OGDH: variants seen among roughly 807,000 people sequenced by gnomAD.
OGDH encodes oxoglutarate dehydrogenase, also known as 2-oxoglutarate dehydrogenase complex component E1.
In OGDH, 38 loss-of-function variants were observed where a neutral mutation model predicts 116.6. The ratio of observed to expected loss-of-function variants is 0.33; its 90% confidence interval spans 0.25 to 0.43. The LOEUF (loss-of-function observed/expected upper bound fraction) is 0.43, where lower values mean the gene tolerates loss of function less well. OGDH is among the 20% of genes least tolerant of loss of function. The pLI is 1.00. For synonymous variants in OGDH, 488 were observed against 533.3 expected (o/e 0.92, Z 1.17); for missense variants, 825 against 1,357.2 (o/e 0.61, Z 6.16).
intron 10 of OGDH, among the ~76,000 whole-genome samples, chr7:44,693,085 G>T (rs894737382): frequency 6.6e-6 from 1 of 152,060 alleles, no homozygotes; most frequent in Non-Finnish European, 1.5e-5. Flanking sequence ...GAGGCAGGTG[G>T]ATCACAAGGT....
intron 9 of OGDH, among the ~76,000 whole-genome samples, chr7:44,681,311 A>G (rs1339798168): frequency 6.6e-6 from 1 of 152,188 alleles, no homozygotes; most frequent in Non-Finnish European, 1.5e-5. Context: ...AAGGGTGCAA[A>G]GACAAGAAGG....
chr7:44,655,151 C>T (rs950675281), intron 4 of OGDH, among the ~76,000 whole-genome samples: 5 of 152,208 alleles, frequency 3.3e-5, no homozygotes, highest in East Asian at 3.9e-4. Flanking sequence ...AGGTTCCTTT[C>T]GAGGCCCTCC....
intron 4 of OGDH, among the ~76,000 whole-genome samples, chr7:44,649,433 A>G (rs896418684): frequency 6.6e-6 from 1 of 151,846 alleles, no homozygotes; most frequent in Non-Finnish European, 1.5e-5. Context: ...TATTTTTAGT[A>G]GAAACGGGGT....
At chr7:44,704,384 TTTTAA>T (rs1425377878) in intron 20 of OGDH, among the ~76,000 whole-genome samples, 1 of 152,134 alleles carries the variant, frequency 6.6e-6, no homozygotes, top group Non-Finnish European at 1.5e-5. Flanking sequence ...TCCTTTTTTT[TTTTAA>T]TTTAATTTTT....
chr7:44,702,685 C>T (rs910183201), intron 20 of OGDH, among the ~76,000 whole-genome samples: 6 of 152,146 alleles, frequency 3.9e-5, no homozygotes, highest in East Asian at 3.9e-4. Flanking sequence ...CTCCACCTCC[C>T]GGGTTCACGC....
Position 44,707,929 on chromosome 7 carries a change from C to T in OGDH, c.3002C>T (p.Thr1001Ile). The change falls in exon 23 of 23, where the codon ACC (threonine) becomes ATC (isoleucine). Residue 1001 changes from threonine to isoleucine, a missense_variant. This residue lies in a region of OGDH where 212 missense variants were observed against 284.3 expected (regional missense o/e 0.75). Transcript: ENST00000222673. This position sits in a 1 kb window ranked among gnomAD's most constrained non-coding sequence, Gnocchi z 5.2. ...GCTCCAGCCACCGGCAACAAGAAGA[C>T]CCACCTGACGGAGCTGCAGCGCCTC... ...AAAPATGNKK[T>I]HLTELQRLLD... The T allele has an allele frequency of 6.2e-7, 1 of 1,613,932 alleles. No homozygotes were observed. The highest frequency in any genetic ancestry group is 2.2e-5 in the East Asian group (1 of 44,882).
chr7:44,665,985 C>G (rs922007139), intron 4 of OGDH, among the ~76,000 whole-genome samples: 1 of 152,138 alleles, frequency 6.6e-6, no homozygotes, highest in Non-Finnish European at 1.5e-5. Flanking sequence ...AGTGCTGCAG[C>G]GAATATTAGT....
rs1788508613 is a variant in OGDH at position 44,694,825 on chromosome 7, AG to A, written c.1668+250del. ...GAAGGGGATGTTTTCAGGTTGAGGTAGTAGCAGCCCAGTAGGTTTTCTCAGA... is the reference window on the plus strand; with the variant it reads ...GAAGGGGATGTTTTCAGGTTGAGGTATAGCAGCCCAGTAGGTTTTCTCAGA... On this transcript the variant is annotated intron_variant, in intron 12 of 22. Coordinates refer to ENST00000222673, the MANE Select transcript of OGDH (RefSeq NM_002541.4). The surrounding 1 kb of genome is among the most constrained non-coding windows in gnomAD (Gnocchi z 4.2). 2.0e-5 allele frequency among the ~76,000 whole-genome samples: 3 copies of A among 152,234 alleles called. No individual in the cohort carries two copies. The highest frequency in any genetic ancestry group is 7.2e-5 in the African/African-American group (3 of 41,460).
intron 7 of OGDH, chr7:44,674,805 T>G (rs1207740739): frequency 1.1e-5 from 6 of 555,424 alleles, no homozygotes; most frequent in Non-Finnish European, 1.9e-5. Flanking sequence ...GGCCTTACAG[T>G]GCATCTTTAT....
At chr7:44,615,203 G>A (rs1382370545) in intron 1 of OGDH, among the ~76,000 whole-genome samples, 1 of 152,140 alleles carries the variant, frequency 6.6e-6, no homozygotes, top group Non-Finnish European at 1.5e-5. Context: ...GTTATGTTAT[G>A]GACTCTTGAT....
In OGDH at chr7:44,708,052, C is replaced by A; in HGVS notation, c.*53C>A. 6.3e-7 allele frequency: 1 copy of A among 1,583,588 alleles called. No homozygotes were observed. ...GCCCTCTCCACACCCATGACTGCCC[C>A]TTGCTTCTCAACTAAAGAATAGTGC... is the stretch of plus-strand genomic sequence containing the variant. On this transcript the variant is annotated 3_prime_UTR_variant, in exon 23 of 23. Coordinates refer to ENST00000222673, the MANE Select transcript of OGDH (RefSeq NM_002541.4).
chr7:44,703,094 T>C (rs941355212), intron 20 of OGDH, among the ~76,000 whole-genome samples: 10 of 152,146 alleles, frequency 6.6e-5, no homozygotes, highest in African/African-American at 2.4e-4. Flanking sequence ...ATCCATGTTG[T>C]GTAGCATGTG....
At chr7:44,676,180 A>G (rs1438436754) in intron 9 of OGDH, 31 bp downstream of exon 9, 1 of 1,614,008 alleles carries the variant, frequency 6.2e-7, no homozygotes, top group East Asian at 2.2e-5. Flanking sequence ...TGCAAGGCAG[A>G]TCGTCAAGGC....
At chr7:44,617,252 T>C (rs550066551) in intron 1 of OGDH, among the ~76,000 whole-genome samples, 3 of 152,090 alleles carry the variant, frequency 2.0e-5, no homozygotes, top group African/African-American at 7.2e-5. Context: ...GTCATAGATA[T>C]ACCTTCAAGT....
chr7:44,671,417 T>C (rs1160863634), intron 5 of OGDH, among the ~76,000 whole-genome samples: 2 of 152,072 alleles, frequency 1.3e-5, no homozygotes, highest in African/African-American at 2.4e-5. Context: ...ACTTCCAACA[T>C]TGGGGATCAA....
In OGDH at chr7:44,624,575, G is replaced by T. The variant is rs750771174; in HGVS notation, c.222+10G>T. The T allele has an allele frequency of 2.5e-6, 4 of 1,609,886 alleles. No homozygotes were observed. The highest frequency in any genetic ancestry group is 2.2e-5 in the South Asian group (2 of 90,962). ...CAAAAGTGTACATAAGGTAAGGCTC[G>T]CAGGGCTGTGGGTCTGCCTCATGTT... is the stretch of plus-strand genomic sequence containing the variant. On this transcript the variant is annotated intron_variant, in intron 2 of 22. Transcript: ENST00000222673.
Position 44,624,524 on chromosome 7 carries a change from A to T in OGDH, c.181A>T (p.Met61Leu). Reference sequence around the variant, plus strand: ...GACTAGTTCGAACTATGTGGAGGAGATGTACTGTGCTTGGCTGGAAAACCC... The same window carrying T: ...GACTAGTTCGAACTATGTGGAGGAGTTGTACTGTGCTTGGCTGGAAAACCC... ...SGTSSNYVEE[M>L]YCAWLENPKS... Residue 61 changes from methionine (M) to leucine (L), a missense_variant, in exon 2 of 23, where the codon ATG (methionine) becomes TTG (leucine). Around this residue, in one of 7 missense-constraint regions of OGDH, gnomAD observed 126 missense variants for 130.4 expected, o/e 0.97. Transcript: ENST00000222673. 6.2e-7 allele frequency: 1 copy of T among 1,613,570 alleles called. No homozygotes were observed.
chr7:44,606,827 G>A (rs954976523), intron 1 of OGDH, among the ~76,000 whole-genome samples, 174 bp downstream of exon 1: 4 of 152,190 alleles, frequency 2.6e-5, no homozygotes, highest in Non-Finnish European at 5.9e-5. Context: ...TGGTAGGAGG[G>A]ACGGGACCTG....
chr7:44,671,256 C>G (rs1787438165), intron 5 of OGDH, among the ~76,000 whole-genome samples: 1 of 151,998 alleles, frequency 6.6e-6, no homozygotes, highest in African/African-American at 2.4e-5. Flanking sequence ...GGAGGGGAAG[C>G]AAGAGAGAGT....
Sources: gnomAD v4.1 joint callset for allele counts (sites outside exome capture counted in the v4.1 genomes callset) on GRCh38, gnomAD v4.1.1 for gene constraint, gnomAD v4.1.1 regional missense constraint, Gnocchi (gnomAD v3.1) non-coding constraint, MANE v1.5 for transcripts, NCBI Gene and HGNC (gene_info 2026-07-23, HGNC 2026-07-21) for gene names.